CLK4: variants seen among roughly 807,000 people sequenced by gnomAD.
CLK4 encodes dual specificity protein kinase CLK4.
Under a neutral mutation model 64.4 loss-of-function variants are expected in CLK4, and 37 were observed. The ratio of observed to expected loss-of-function variants is 0.57; its 90% CI spans 0.44 to 0.76. The LOEUF (loss-of-function observed/expected upper bound fraction) is 0.76. Ranked by LOEUF, CLK4 falls within the 30% of genes least tolerant of loss-of-function variation. CLK4 has a pLI of 0.00. For synonymous variants in CLK4, 175 were observed against 191.6 expected (o/e 0.91, Z 0.72); for missense variants, 457 against 605.1 (o/e 0.76, Z 2.57).
At chr5:178,621,675 A>G (rs1051029115) in intron 2 of CLK4, 1 of 152,212 alleles carries the variant, frequency 6.6e-6, no homozygotes, top group African/African-American at 2.4e-5. Flanking sequence ...AGCATGAAGG[A>G]GCACGTTGTA....
At chr5:178,614,122 T>C (rs373638455) in intron 5 of CLK4, among the ~76,000 whole-genome samples, 5 of 152,350 alleles carry the variant, frequency 3.3e-5, no homozygotes, top group African/African-American at 1.2e-4. Flanking sequence ...AAAAGATATA[T>C]ACAAATGTAA....
At chr5:178,613,866 A>G in intron 5 of CLK4, 23 bp from the exon 6 acceptor site, 6 of 1,552,034 alleles carry the variant, frequency 3.9e-6, no homozygotes, top group Non-Finnish European at 5.3e-6. Context: ...ATTAAGATAA[A>G]AATGATAAAT....
At chr5:178,618,883 G>GA (rs1562130159) in intron 2 of CLK4, 105 bp from the exon 3 acceptor site, 6 of 788,638 alleles carry the variant, frequency 7.6e-6, no homozygotes, top group Non-Finnish European at 1.2e-5. Context: ...CTCAATATAA[G>GA]AAAAAAATTC....
At chr5:178,623,594 C>T (rs1764739706) in intron 1 of CLK4, among the ~76,000 whole-genome samples, 178 bp from the exon 2 acceptor site, 1 of 151,590 alleles carries the variant, frequency 6.6e-6, no homozygotes, top group South Asian at 2.1e-4. Context: ...TGCTAAGAGG[C>T]ATAGAGATCT....
rs1315401477 is a variant in CLK4 at position 178,627,012 on chromosome 5, G to T, written c.-67C>A. On this transcript the variant is annotated 5_prime_UTR_variant, in exon 1 of 13. Coordinates refer to ENST00000316308, the MANE Select transcript of CLK4 (RefSeq NM_020666.3). ...AAACTGCCGTCTTCCCTCCTCGGCC[G>T]CTGCGACAAACACCCCACAAAATGG... 6.5e-6 allele frequency: 1 copy of T among 152,830 alleles called. No homozygotes were observed. The highest frequency in any genetic ancestry group is 1.9e-4 in the East Asian group (1 of 5,182). 9.5% of individuals were successfully genotyped at this position (152,830 alleles called of 1,614,324 possible).
At chr5:178,610,385 T>G (rs955801359) in intron 9 of CLK4, among the ~76,000 whole-genome samples, 8 of 152,146 alleles carry the variant, frequency 5.3e-5, no homozygotes, top group African/African-American at 1.9e-4. Flanking sequence ...CCATTCTAAA[T>G]CATCTCATTC....
In CLK4 at chr5:178,606,963, GA is replaced by G. The variant is rs370795283; in HGVS notation, c.1134+1412del. ...TGACACAGTGAGACTCCATCTCAGG[GA>G]AAAAAAAAAAAAAATTAAGATTTCA... On this transcript the variant is annotated intron_variant, in intron 10 of 12. Coordinates refer to ENST00000316308, the MANE Select transcript of CLK4 (RefSeq NM_020666.3). Among the ~76,000 whole-genome samples the G allele has an allele frequency of 8.1e-3, 1,114 of 137,302 alleles. 6 individuals carry two copies. Among genetic ancestry groups the G allele is most frequent in the Middle Eastern group, 0.023 (6 of 262 alleles). The allele number at this position is 137,302 out of a possible 152,430, so 90.1% of individuals were successfully genotyped here.
At chr5:178,621,778 T>C (rs1170883502) in intron 2 of CLK4, 1 of 152,058 alleles carries the variant, frequency 6.6e-6, no homozygotes, top group African/African-American at 2.4e-5. Flanking sequence ...CTTCCTGGAG[T>C]GTATTTTCAG....
At chr5:178,611,341 G>C (rs117021345) in intron 9 of CLK4, among the ~76,000 whole-genome samples, 1 of 152,032 alleles carries the variant, frequency 6.6e-6, no homozygotes, top group African/African-American at 2.4e-5. Flanking sequence ...CTATTATTAC[G>C]CATTTAAAAG....
intron 2 of CLK4, chr5:178,620,349 C>G (rs924579213): frequency 4.2e-6 from 1 of 236,186 alleles, no homozygotes; most frequent in Non-Finnish European, 8.7e-6. Context: ...CTAGCACTAA[C>G]AATCTTTAGC....
rs759261483 is a variant in CLK4, at chr5:178,613,637, C to A, written c.662G>T (p.Arg221Leu). The change falls in exon 7 of 13, where the codon CGA becomes CTA. Residue 221 changes from arginine (R) to leucine (L), a missense_variant and splice_region_variant. Transcript: ENST00000316308. ...AAACCATTCTAGCATCTGGACACAT[C>A]GGCTAAAACAGAGCAAAATAATAAT... Reference protein sequence around the residue: ...LNSTDPNSVFRCVQMLEWFDH... With the variant: ...LNSTDPNSVFLCVQMLEWFDH... 2.5e-6 allele frequency: 4 copies of A among 1,605,994 alleles called. No homozygotes were observed. The highest frequency in any genetic ancestry group is 2.2e-5 in the East Asian group (1 of 44,756).
At chr5:178,609,025 T>C (rs532279949) in intron 9 of CLK4, among the ~76,000 whole-genome samples, 35 of 152,244 alleles carry the variant, frequency 2.3e-4, no homozygotes, top group African/African-American at 6.0e-4. Context: ...TACAGACACA[T>C]TGGAGCTCAG....
chr5:178,612,563 A>C lies in CLK4; in HGVS notation c.922-18T>G, dbSNP rs759779799. 2 of 1,611,670 alleles carry C rather than the reference A, an allele frequency of 1.2e-6. No homozygotes were observed. The highest frequency in any genetic ancestry group is 2.2e-5 in the South Asian group (2 of 90,764). On this transcript the variant is annotated intron_variant, in intron 8 of 12. Transcript: ENST00000316308. ...TCACGTTTCTAGAGAGACACAGTTGAGTAAACATGAAACTCAATAGATACA... is the reference window on the plus strand; with the variant it reads ...TCACGTTTCTAGAGAGACACAGTTGCGTAAACATGAAACTCAATAGATACA...
rs901211875 is a variant in CLK4 at position 178,603,776 on chromosome 5, T to C, written c.1306-19A>G. ...TAAATTCCTGGGGGAGAAATGTTTT[T>C]GTTTTAAAAAAAATTATTAATAGTG... On this transcript the variant is annotated intron_variant, in intron 12 of 12. Transcript: ENST00000316308. 6.3e-7 allele frequency: 1 copy of C among 1,579,510 alleles called. No individual in the cohort carries two copies. Among genetic ancestry groups the C allele is most frequent in the Non-Finnish European group, 8.6e-7 (1 of 1,168,252 alleles).
intron 2 of CLK4, chr5:178,619,860 C>A (rs1764682173): frequency 8.5e-7 from 1 of 1,173,586 alleles, no homozygotes; most frequent in African/African-American, 1.6e-5. Context: ...TCCTCTTCAA[C>A]AGAGTGCGAA....
At chr5:178,619,519 T>C (rs1764675341) in intron 2 of CLK4, among the ~76,000 whole-genome samples, 1 of 152,178 alleles carries the variant, frequency 6.6e-6, no homozygotes, top group Admixed American at 6.5e-5. Flanking sequence ...AGGGATCCTG[T>C]AGTTTAGCAT....
intron 2 of CLK4, chr5:178,620,757 G>A (rs564816254): frequency 3.4e-6 from 1 of 290,994 alleles, no homozygotes; most frequent in South Asian, 2.8e-5. Context: ...ACATAAAAAT[G>A]AAACAAAATC....
rs564763694 is a variant in CLK4, at chr5:178,623,411, C to T, written c.6G>A (p.Arg2=). 48 of 1,608,210 alleles carry T rather than the reference C, an allele frequency of 3.0e-5. No homozygotes were observed. The South Asian group carries it at 4.9e-4, about 16-fold the overall frequency. ...CAGGACAGTGAGTTCTTTTGGAATG[C>T]CGCATCTGTTGATAGAAATGAAAAG... M[R]HSKRTHCPDW... The change falls in exon 2 of 13, where the codon CGG becomes CGA. Residue 2 remains arginine, a synonymous_variant. Coordinates refer to ENST00000316308, the MANE Select transcript of CLK4 (RefSeq NM_020666.3).
intron 8 of CLK4, 21 bp downstream of exon 8, chr5:178,612,775 T>G (rs754981854): frequency 7.4e-7 from 1 of 1,350,574 alleles, no homozygotes; most frequent in Non-Finnish European, 1.0e-6. Flanking sequence ...CCACCCAAAT[T>G]AAAACAAGTC....
Sources: allele counts gnomAD v4.1 joint callset (sites outside exome capture counted in the v4.1 genomes callset), GRCh38; gene constraint gnomAD v4.1.1; transcripts MANE v1.5; gene names NCBI Gene and HGNC (gene_info 2026-07-23, HGNC 2026-07-21).